The following ROBO2 variants were observed in gnomAD, a reference collection of about 807,000 sequenced individuals.
ROBO2 encodes roundabout guidance receptor 2, also known as roundabout homolog 2.
Under a neutral mutation model 160.8 loss-of-function variants are expected in ROBO2, and 53 were observed. That is an observed-to-expected ratio of 0.33 (90% CI 0.26 to 0.41). The LOEUF is 0.41. Among genes scored for constraint, ROBO2 ranks in the 10% least tolerant of loss-of-function variants. ROBO2 has a pLI of 1.00. For missense variants in ROBO2, 1,577 were observed against 1,722.4 expected (o/e 0.92, Z 1.49); for synonymous variants, 664 against 611.7 (o/e 1.09, Z -1.26).
chr3:77,070,857 G>A (rs750946288), intron 1 of ROBO2, among the ~76,000 whole-genome samples: 5 of 152,142 alleles, frequency 3.3e-5, no homozygotes, highest in Non-Finnish European at 5.9e-5. Flanking sequence ...AGAAACAAGG[G>A]CAAGCTTTGT....
intron 20 of ROBO2, 96 bp downstream of exon 21, chr3:77,602,587 C>T: frequency 7.0e-7 from 1 of 1,421,920 alleles, no homozygotes; most frequent in Non-Finnish European, 9.9e-7. Flanking sequence ...GATTCATTAC[C>T]AGGTTTACTA....
At chr3:76,677,462 T>C (rs2092438891) in intron 2 of ROBO2, among the ~76,000 whole-genome samples, 1 of 152,154 alleles carries the variant, frequency 6.6e-6, no homozygotes, top group African/African-American at 2.4e-5. Context: ...CCCACATGAT[T>C]CTAAAGTATT....
chr3:76,493,531 T>C (rs1407183851), intron 2 of ROBO2, among the ~76,000 whole-genome samples: 4 of 151,864 alleles, frequency 2.6e-5, no homozygotes, highest in African/African-American at 4.8e-5. Context: ...TTCATTCTCT[T>C]CCACTAAAAT....
chr3:76,843,511 G>T lies in ROBO2; in HGVS notation c.110-254503G>T, dbSNP rs75410755. On this transcript the variant is annotated intron_variant, in intron 2 of 26. Coordinates refer to the ROBO2 transcript ENST00000487694. ...CAGTTTTCTTTACCTACTTATAGAA[G>T]AAGACATAATAATAATTCCTGCTGC... Among the ~76,000 whole-genome samples the T allele has an allele frequency of 9.2e-5, 14 of 152,100 alleles. No individual in the cohort carries two copies. In the East Asian group the frequency reaches 2.7e-3, roughly 29 times the overall value.
rs566241285 is a variant in ROBO2, at chr3:77,272,098, CCTT to C, written c.388+173762_388+173764del. On this transcript the variant is annotated intron_variant, in intron 2 of 25. Transcript: ENST00000461745. Reference sequence around the variant, plus strand: ...AATACTATTTTTCTTTCCCCGTCAACCTTCTTGTCTGATCGTCTTAAACCCATA... The same window carrying C: ...AATACTATTTTTCTTTCCCCGTCAACCTTGTCTGATCGTCTTAAACCCATA... 3.6e-3 allele frequency among the ~76,000 whole-genome samples: 554 copies of C among 152,284 alleles called. 1 individual carries two copies. Among genetic ancestry groups the C allele is most frequent in the Non-Finnish European group, 5.5e-3 (373 of 68,036 alleles).
At chr3:76,141,151 CTCTCTCTCTA>C (rs1315287912) in intron 2 of ROBO2, among the ~76,000 whole-genome samples, 153 of 44,240 alleles carry the variant, frequency 3.5e-3, no homozygotes, top group Non-Finnish European at 4.4e-3. Context: ...CTCTCTCTCT[CTCTCTCTCTA>C]TATATATATA....
At chr3:76,825,806 C>T (rs2066534595) in intron 2 of ROBO2, among the ~76,000 whole-genome samples, 1 of 151,928 alleles carries the variant, frequency 6.6e-6, no homozygotes, top group Non-Finnish European at 1.5e-5. Context: ...AAAATACTCA[C>T]ACGCATATGG....
At chr3:76,158,968 A>T (rs1408724810) in intron 2 of ROBO2, among the ~76,000 whole-genome samples, 2 of 152,172 alleles carry the variant, frequency 1.3e-5, no homozygotes, top group Non-Finnish European at 2.9e-5. Context: ...GCCAAATTAG[A>T]CTTAAAGAAT....
At chr3:77,036,608 A>C (rs2149584544), upstream of ROBO2, among the ~76,000 whole-genome samples, 1 of 152,200 alleles carries the variant, frequency 6.6e-6, no homozygotes, top group Admixed American at 6.5e-5. Context: ...CAATCTTTAG[A>C]TGTATTAAAA....
At chr3:76,246,744 C>T (rs1445208554) in intron 2 of ROBO2, among the ~76,000 whole-genome samples, 1 of 152,054 alleles carries the variant, frequency 6.6e-6, no homozygotes, top group East Asian at 1.9e-4. Context: ...ATTCTCTAAT[C>T]AGTCTTAATT....
intron 2 of ROBO2, among the ~76,000 whole-genome samples, chr3:76,059,143 A>C (rs1293020887): frequency 6.6e-6 from 1 of 151,944 alleles, no homozygotes; most frequent in African/African-American, 2.4e-5. Context: ...AGCATGATTT[A>C]TAATCCTTTG....
chr3:77,274,444 G>A (rs2059696858), intron 2 of ROBO2, among the ~76,000 whole-genome samples: 1 of 151,856 alleles, frequency 6.6e-6, no homozygotes, highest in African/African-American at 2.4e-5. Flanking sequence ...TTTAGAATTG[G>A]CATTTAAAAC....
chr3:77,376,936 A>G (rs1475355100), intron 2 of ROBO2, among the ~76,000 whole-genome samples: 1 of 152,222 alleles, frequency 6.6e-6, no homozygotes, highest in Non-Finnish European at 1.5e-5. Context: ...GAAAATAATC[A>G]TGCTACATCT....
intron 2 of ROBO2, among the ~76,000 whole-genome samples, chr3:77,195,521 T>C (rs138479986): frequency 2.6e-5 from 4 of 152,272 alleles, no homozygotes; most frequent in African/African-American, 9.6e-5. Context: ...TAACACAAAA[T>C]AATTTTAAAG....
intron 2 of ROBO2, among the ~76,000 whole-genome samples, chr3:76,771,691 C>G (rs1466535767): frequency 6.6e-6 from 1 of 150,916 alleles, no homozygotes; most frequent in Non-Finnish European, 1.5e-5. Flanking sequence ...ACACAGTAAT[C>G]AACAATATTA....
intron 2 of ROBO2, among the ~76,000 whole-genome samples, chr3:77,319,275 A>C: frequency 6.6e-6 from 1 of 152,324 alleles, no homozygotes; most frequent in Middle Eastern, 3.4e-3. Flanking sequence ...CTTTGGATAA[A>C]GAATTAATCA....
rs551020377 is a variant in ROBO2, at chr3:76,600,484, C to T, written c.110-497530C>T. ...ATTTGACTCATAGTTCCACATGGCT[C>T]GGAAGGCCTCACAGTCATGGCCAAA... On this transcript the variant is annotated intron_variant, in intron 2 of 26. Transcript: ENST00000487694. Among the ~76,000 whole-genome samples the T allele has an allele frequency of 5.3e-5, 8 of 152,226 alleles. No individual in the cohort carries two copies. The East Asian group carries it at 5.8e-4, about 11-fold the overall frequency.
chr3:76,582,384 G>T (rs1328260469), intron 2 of ROBO2, among the ~76,000 whole-genome samples: 1 of 152,074 alleles, frequency 6.6e-6, no homozygotes, highest in Non-Finnish European at 1.5e-5. Context: ...TTACACAGGA[G>T]AATTCAATTT....
chr3:75,908,474 T>C (rs1458478348), intron 1 of ROBO2, among the ~76,000 whole-genome samples: 1 of 152,092 alleles, frequency 6.6e-6, no homozygotes, highest in Non-Finnish European at 1.5e-5. Flanking sequence ...GTCACAGAAG[T>C]ATTACTTTAT....
Sources: gnomAD v4.1 joint callset for allele counts (sites outside exome capture counted in the v4.1 genomes callset) on GRCh38, gnomAD v4.1.1 for gene constraint, MANE v1.5 for transcripts, NCBI Gene and HGNC (gene_info 2026-07-23, HGNC 2026-07-21) for gene names.